Variants in INSYN2B observed in about 807,000 individuals in gnomAD.
INSYN2B encodes the protein inhibitory synaptic factor family member 2B.
INSYN2B carries 16 observed loss-of-function variants against 41.2 expected under a neutral mutation model. That is an observed-to-expected ratio of 0.39 (90% CI 0.26 to 0.59). The LOEUF (loss-of-function observed/expected upper bound fraction) is 0.59, where lower values mean the gene tolerates loss of function less well. Ranked by LOEUF, INSYN2B falls within the 20% of genes least tolerant of loss-of-function variation. The pLI, the probability that INSYN2B is intolerant of heterozygous loss-of-function variation, is 0.57. For missense variants in INSYN2B, 608 were observed against 646.4 expected (o/e 0.94, Z 0.64); for synonymous variants, 245 against 244.4 (o/e 1.00, Z -0.02).
chr5:169,894,620 AGC>A (rs1773489407), intron 1 of INSYN2B, among the ~76,000 whole-genome samples: 1 of 152,186 alleles, frequency 6.6e-6, no homozygotes, highest in South Asian at 2.1e-4. Flanking sequence ...CGGTGGCACA[AGC>A]AGTTTGCAAA....
At chr5:169,938,183 C>T (rs933191570) in intron 1 of INSYN2B, among the ~76,000 whole-genome samples, 2 of 152,170 alleles carry the variant, frequency 1.3e-5, no homozygotes, top group African/African-American at 2.4e-5. Flanking sequence ...TTACAGCTAC[C>T]GCACAGCTGC....
intron 1 of INSYN2B, among the ~76,000 whole-genome samples, chr5:169,951,528 G>T (rs762552778): frequency 6.6e-5 from 10 of 152,212 alleles, no homozygotes; most frequent in Non-Finnish European, 1.5e-4. Context: ...GAGGTTCAGA[G>T]TTGGAAGACA....
chr5:169,887,981 A>G (rs542300408), intron 1 of INSYN2B, among the ~76,000 whole-genome samples: 3 of 152,384 alleles, frequency 2.0e-5, no homozygotes, highest in Admixed American at 6.5e-5. Context: ...TGGAATTTAT[A>G]TGAGTGGACA....
At chr5:169,872,862 T>C (rs1489641529) in intron 3 of INSYN2B, among the ~76,000 whole-genome samples, 2 of 152,202 alleles carry the variant, frequency 1.3e-5, no homozygotes, top group Admixed American at 1.3e-4. Context: ...ATCTGTAAAA[T>C]GGGAATGTTA....
At chr5:169,962,455 G>T (rs189545065) in intron 1 of INSYN2B, among the ~76,000 whole-genome samples, 10 of 152,216 alleles carry the variant, frequency 6.6e-5, no homozygotes, top group Non-Finnish European at 1.3e-4. Context: ...CCAGATTTGG[G>T]GTGAGCAAAG....
At chr5:169,934,479 G>A (rs1216320324) in intron 1 of INSYN2B, among the ~76,000 whole-genome samples, 1 of 152,194 alleles carries the variant, frequency 6.6e-6, no homozygotes, top group African/African-American at 2.4e-5. Flanking sequence ...AGTAAGAGGT[G>A]CATGCACATA....
chr5:169,971,188 C>CAAAAA (rs34023676), intron 1 of INSYN2B, among the ~76,000 whole-genome samples: 9,413 of 143,712 alleles, frequency 0.065, 375 homozygotes, highest in Middle Eastern at 0.1. Context: ...GAAAGAAAGG[C>CAAAAA]AAAAAAAAAA....
intron 3 of INSYN2B, among the ~76,000 whole-genome samples, chr5:169,870,086 A>T (rs1426879874): frequency 6.6e-6 from 1 of 152,190 alleles, no homozygotes; most frequent in Non-Finnish European, 1.5e-5. Context: ...GATGCATGGG[A>T]CATGGGACCT....
intron 1 of INSYN2B, chr5:169,934,510 A>G (rs759750099): frequency 2.5e-6 from 1 of 397,378 alleles, no homozygotes; most frequent in Non-Finnish European, 5.1e-6. Flanking sequence ...TGGAATGCTT[A>G]TCAGCACCCA....
chr5:169,967,261 A>C (rs1777336453), intron 1 of INSYN2B, among the ~76,000 whole-genome samples: 1 of 152,258 alleles, frequency 6.6e-6, no homozygotes, highest in Non-Finnish European at 1.5e-5. Context: ...GAATCCCAGA[A>C]GCCTTTCCAG....
At chr5:169,867,791 T>C (rs1053223576) in intron 3 of INSYN2B, among the ~76,000 whole-genome samples, 2 of 152,134 alleles carry the variant, frequency 1.3e-5, no homozygotes, top group Non-Finnish European at 2.9e-5. Flanking sequence ...GTCTGGGGTG[T>C]GGTGGAGTGG....
At chr5:169,926,526 A>C (rs1775468247) in intron 1 of INSYN2B, among the ~76,000 whole-genome samples, 2 of 152,216 alleles carry the variant, frequency 1.3e-5, no homozygotes, top group Non-Finnish European at 2.9e-5. Context: ...TGACTGAGAA[A>C]GATGAATCTG....
At chr5:169,915,501 G>T (rs1204769976) in intron 1 of INSYN2B, among the ~76,000 whole-genome samples, 4 of 151,040 alleles carry the variant, frequency 2.6e-5, no homozygotes, top group Non-Finnish European at 5.9e-5. Flanking sequence ...TAATGATTTT[G>T]ACTCATTTCC....
In INSYN2B at chr5:169,861,849, G is replaced by T. The variant is rs965279149; in HGVS notation, c.*2424C>A. Among the ~76,000 whole-genome samples the T allele has an allele frequency of 3.9e-5, 6 of 152,086 alleles. No homozygotes were observed. Among genetic ancestry groups the T allele is most frequent in the Non-Finnish European group, 8.8e-5 (6 of 68,014 alleles). On this transcript the variant is annotated 3_prime_UTR_variant, in exon 4 of 4. Coordinates refer to ENST00000377365, the MANE Select transcript of INSYN2B (RefSeq NM_001129891.3). ...TCAGTGGCCCAAGCAATGCGGTGTTGTGCTTTGGTGTAGAATCAGTACAGC... is the reference window on the plus strand; with the variant it reads ...TCAGTGGCCCAAGCAATGCGGTGTTTTGCTTTGGTGTAGAATCAGTACAGC...
intron 1 of INSYN2B, among the ~76,000 whole-genome samples, chr5:169,971,244 A>C (rs373840847): frequency 4.6e-5 from 7 of 151,982 alleles, no homozygotes; most frequent in Admixed American, 2.0e-4. Context: ...TGAATCAATG[A>C]AGTATCATTC....
intron 1 of INSYN2B, among the ~76,000 whole-genome samples, chr5:169,955,996 G>A (rs542573195): frequency 2.0e-4 from 31 of 151,600 alleles, no homozygotes; most frequent in Admixed American, 5.9e-4. Context: ...TGGCTCTGGA[G>A]CTCAGGGAAA....
In INSYN2B at chr5:169,899,737, G is replaced by A. The variant is rs375461601; in HGVS notation, c.-918-14921C>T. Among the ~76,000 whole-genome samples, 4 of 152,240 alleles carry A rather than the reference G, an allele frequency of 2.6e-5. No individual in the cohort carries two copies. The East Asian group carries it at 7.7e-4, about 29-fold the overall frequency. ...CTTTCAATGTTCCTTTCCATTCCTT[G>A]TTGGCATACAAAGACTGCATAACAC... On this transcript the variant is annotated intron_variant, in intron 1 of 3. Coordinates refer to ENST00000377365, the MANE Select transcript of INSYN2B (RefSeq NM_001129891.3).
intron 1 of INSYN2B, among the ~76,000 whole-genome samples, chr5:169,952,101 G>C (rs1444755120): frequency 1.3e-5 from 2 of 152,222 alleles, no homozygotes; most frequent in African/African-American, 4.8e-5. Context: ...ATTTCAGAGA[G>C]ATAGAAGCTT....
intron 3 of INSYN2B, among the ~76,000 whole-genome samples, chr5:169,870,630 T>C (rs1367054597): frequency 2.6e-5 from 4 of 152,136 alleles, no homozygotes; most frequent in African/African-American, 9.7e-5. Flanking sequence ...TACTTTAAGT[T>C]TTAGGGTACA....
Sources: gnomAD v4.1 joint callset for allele counts (sites outside exome capture counted in the v4.1 genomes callset) on GRCh38, gnomAD v4.1.1 for gene constraint, MANE v1.5 for transcripts, NCBI Gene and HGNC (gene_info 2026-07-23, HGNC 2026-07-21) for gene names.